Variants in MROH7 observed in about 807,000 individuals in gnomAD.
MROH7 encodes the protein maestro heat like repeat family member 7.
Under a neutral mutation model 129.2 loss-of-function variants are expected in MROH7, and 113 were observed. That is an observed-to-expected ratio of 0.87 (90% confidence interval 0.75 to 1.02). The LOEUF (loss-of-function observed/expected upper bound fraction) is 1.02. MROH7 is among the 50% of genes least tolerant of loss of function. MROH7 has a pLI of 0.00. For missense variants in MROH7, 1,601 were observed against 1,671.3 expected, an observed-to-expected ratio of 0.96 and a Z score of 0.73; for synonymous variants, 655 against 667.9, an observed-to-expected ratio of 0.98 and a Z score of 0.30.
At chr1:54,662,465 G>A (rs1263385818) in intron 3 of MROH7, among the ~76,000 whole-genome samples, 1 of 151,340 alleles carries the variant, frequency 6.6e-6, no homozygotes. Flanking sequence ...GAACCTGGGA[G>A]GTGGAGGTTG....
intron 14 of MROH7, among the ~76,000 whole-genome samples, chr1:54,684,622 T>A (rs1645118668): frequency 6.6e-6 from 1 of 152,252 alleles, no homozygotes; most frequent in African/African-American, 2.4e-5. Context: ...TAGAGACTTT[T>A]CCCTTACACC....
chr1:54,678,550 G>A (rs1001193960), intron 10 of MROH7, among the ~76,000 whole-genome samples, 192 bp from the exon 11 acceptor site: 8 of 152,220 alleles, frequency 5.3e-5, no homozygotes, highest in Non-Finnish European at 1.0e-4. Flanking sequence ...GCTATTGATG[G>A]AAAGGGGTGC....
chr1:54,694,878 C>A (rs1043758590), intron 16 of MROH7, among the ~76,000 whole-genome samples: 5 of 152,184 alleles, frequency 3.3e-5, no homozygotes, highest in Non-Finnish European at 5.9e-5. Flanking sequence ...GAATGTGAGC[C>A]CTCGGTTGGG....
intron 7 of MROH7, 144 bp from the exon 8 acceptor site, chr1:54,672,947 T>A: frequency 1.6e-6 from 1 of 612,536 alleles, no homozygotes; most frequent in Non-Finnish European, 3.0e-6. Flanking sequence ...ACATTACACA[T>A]CAAGTTAGTC....
Position 54,653,239 on chromosome 1 carries a change from C to T in MROH7, c.313C>T (p.Leu105=). The change falls in exon 3 of 24, where the codon CTG becomes TTG. Residue 105 remains leucine (L), a synonymous_variant. Transcript: ENST00000421030. ...CACCAGTTCTTGTTCTGGTGAAGCC[C>T]TGGACCTGGATTCCAAGGATGTCTC... ...QITSSCSGEA[L]DLDSKDVSRP... The T allele has an allele frequency of 6.2e-7, 1 of 1,614,206 alleles. No homozygotes were observed. Among genetic ancestry groups the T allele is most frequent in the East Asian group, 2.2e-5 (1 of 44,876 alleles).
intron 5 of MROH7, among the ~76,000 whole-genome samples, chr1:54,669,505 C>A (rs1048196282): frequency 3.3e-5 from 5 of 152,124 alleles, no homozygotes; most frequent in Non-Finnish European, 7.4e-5. Context: ...GGTGCTAGAT[C>A]AAAAATGAGA....
intron 15 of MROH7, among the ~76,000 whole-genome samples, chr1:54,690,833 T>C (rs1001726524): frequency 1.3e-5 from 2 of 152,184 alleles, no homozygotes; most frequent in African/African-American, 4.8e-5. Flanking sequence ...CTGGAACCTC[T>C]AAGTCAGGTC....
In MROH7 at chr1:54,673,108, C is replaced by A; in HGVS notation, c.1617C>A (p.Thr539=). The A allele has an allele frequency of 8.1e-6, 13 of 1,613,742 alleles. No individual in the cohort carries two copies. The highest frequency in any genetic ancestry group is 1.0e-5 in the Non-Finnish European group (12 of 1,179,782). ...AETIQALYHQ[T]LEALQTLLKA... The stretch of plus-strand genomic sequence containing the variant: ...ATCCACAGGCTCTTTACCATCAGAC[C>A]CTGGAGGCCCTGCAGACACTGCTCA... The change falls in exon 8 of 24, where the codon ACC becomes ACA. Residue 539 remains threonine (T), a synonymous_variant. Coordinates refer to ENST00000421030, the MANE Select transcript of MROH7 (RefSeq NM_001039464.4).
intron 1 of MROH7, among the ~76,000 whole-genome samples, chr1:54,649,677 G>A (rs192926059): frequency 6.6e-6 from 1 of 152,304 alleles, no homozygotes; most frequent in East Asian, 1.9e-4. Context: ...TCACTGCCTC[G>A]TAGGCTGCAA....
chr1:54,668,169 C>T (rs1644840876), intron 4 of MROH7, among the ~76,000 whole-genome samples: 1 of 152,170 alleles, frequency 6.6e-6, no homozygotes. Context: ...TGGAAGCTTC[C>T]AGTTTCCTTA....
intron 14 of MROH7, among the ~76,000 whole-genome samples, chr1:54,685,532 A>AC (rs35943979): frequency 0.2 from 30,193 of 151,638 alleles, 3,942 homozygotes; most frequent in Non-Finnish European, 0.27. Context: ...CCCACTCCCC[A>AC]CCCCCTAGTA....
intron 14 of MROH7, 132 bp from the exon 15 acceptor site, chr1:54,686,126 C>G: frequency 1.3e-6 from 1 of 744,182 alleles, no homozygotes. Flanking sequence ...TGGGGAATCC[C>G]AGCTTCCCCA....
At position 54,653,658 on chromosome 1, in the gene MROH7, A is replaced by G; in HGVS notation, c.732A>G (p.Thr244=). 1 of 1,614,198 alleles carries G rather than the reference A, an allele frequency of 6.2e-7. No individual in the cohort carries two copies. Among genetic ancestry groups the G allele is most frequent in the Non-Finnish European group, 8.5e-7 (1 of 1,180,042 alleles). The change falls in exon 3 of 24, where the codon ACA becomes ACG. Residue 244 remains threonine (T), a synonymous_variant. Transcript: ENST00000421030. ...PDSHGTLIPD[T]NETITLASHN... The stretch of plus-strand genomic sequence containing the variant: ...CTCATGGGACCCTAATCCCAGACAC[A>G]AATGAGACCATCACTTTGGCTTCAC...
intron 7 of MROH7, among the ~76,000 whole-genome samples, chr1:54,672,348 A>G (rs771099902): frequency 6.6e-6 from 1 of 152,028 alleles, no homozygotes; most frequent in Non-Finnish European, 1.5e-5. Flanking sequence ...AGTCTAGACA[A>G]TAACAACCTA....
chr1:54,670,195 A>G (rs2477676), intron 5 of MROH7, among the ~76,000 whole-genome samples: 5,938 of 149,800 alleles, frequency 0.04, 414 homozygotes, highest in African/African-American at 0.14. Context: ...GAGGCCAGGC[A>G]TGGTGGCTCA....
intron 10 of MROH7, among the ~76,000 whole-genome samples, chr1:54,675,484 A>G (rs981913312): frequency 1.3e-5 from 2 of 152,064 alleles, no homozygotes; most frequent in Non-Finnish European, 2.9e-5. Context: ...TACCCTGTTG[A>G]CCAGGAGCCA....
At chr1:54,652,288 G>T (rs766271167) in intron 2 of MROH7, among the ~76,000 whole-genome samples, 7 of 152,184 alleles carry the variant, frequency 4.6e-5, no homozygotes, top group African/African-American at 7.2e-5. Flanking sequence ...AGGGCTCCTT[G>T]TTGGTGCACT....
intron 23 of MROH7, 54 bp downstream of exon 23, chr1:54,709,130 G>A: frequency 2.0e-6 from 3 of 1,530,806 alleles, no homozygotes; most frequent in Non-Finnish European, 2.7e-6. Context: ...ACAGTGAGTA[G>A]AATCACAGTG....
intron 16 of MROH7, among the ~76,000 whole-genome samples, chr1:54,693,576 G>A (rs950844791): frequency 6.6e-6 from 1 of 152,168 alleles, no homozygotes; most frequent in African/African-American, 2.4e-5. Context: ...TCATGTGCCC[G>A]AAGTCACACA....
Sources: gnomAD v4.1 joint callset for allele counts (sites outside exome capture counted in the v4.1 genomes callset) on GRCh38, gnomAD v4.1.1 for gene constraint, MANE v1.5 for transcripts, NCBI Gene and HGNC (gene_info 2026-07-23, HGNC 2026-07-21) for gene names.